Variants in SUMF1 observed in about 807,000 individuals in gnomAD.
SUMF1 encodes the protein sulfatase modifying factor 1.
Under a neutral mutation model 47.6 loss-of-function variants are expected in SUMF1, and 48 were observed. That is an observed-to-expected ratio of 1.01 (90% CI 0.80 to 1.28). The LOEUF (loss-of-function observed/expected upper bound fraction) is 1.28, where lower values mean the gene tolerates loss of function less well. SUMF1 is among the 50% of genes most tolerant of loss of function. SUMF1 has a pLI of 0.00. For synonymous variants in SUMF1, 230 were observed against 192.1 expected (o/e 1.20, Z -1.63); for missense variants, 571 against 485.4 (o/e 1.18, Z -1.66).
intron 8 of SUMF1, among the ~76,000 whole-genome samples, chr3:4,111,908 G>A (rs991699683): frequency 1.7e-4 from 26 of 152,086 alleles, no homozygotes; most frequent in African/African-American, 6.3e-4. Context: ...AGAAATTCTG[G>A]AGGAAATTTA....
At chr3:4,186,889 T>C (rs920030569) in intron 8 of SUMF1, among the ~76,000 whole-genome samples, 5 of 152,198 alleles carry the variant, frequency 3.3e-5, no homozygotes, top group African/African-American at 1.2e-4. Context: ...TAATTTTATC[T>C]GGTTCCAGTA....
intron 8 of SUMF1, among the ~76,000 whole-genome samples, chr3:4,292,771 G>C (rs954924928): frequency 6.6e-6 from 1 of 152,186 alleles, no homozygotes; most frequent in Non-Finnish European, 1.5e-5. Flanking sequence ...AATCTGAACT[G>C]CTTGTTTAAT....
At chr3:4,278,222 G>C (rs937305690) in intron 8 of SUMF1, among the ~76,000 whole-genome samples, 3 of 151,458 alleles carry the variant, frequency 2.0e-5, no homozygotes, top group Non-Finnish European at 4.4e-5. Context: ...AAAATATTAT[G>C]GCATGTTCTA....
At chr3:4,091,101 A>AC (rs1309008837) in intron 8 of SUMF1, among the ~76,000 whole-genome samples, 2 of 151,976 alleles carry the variant, frequency 1.3e-5, no homozygotes, top group African/African-American at 4.8e-5. Flanking sequence ...AACAACAAAA[A>AC]AAAAAACAAA....
intron 8 of SUMF1, among the ~76,000 whole-genome samples, chr3:4,207,786 G>A (rs573875112): frequency 1.3e-5 from 2 of 152,238 alleles, no homozygotes; most frequent in South Asian, 2.1e-4. Context: ...GACAGACAAG[G>A]AGATACAGAA....
chr3:4,230,694 T>A (rs1696279373), intron 8 of SUMF1, among the ~76,000 whole-genome samples: 2 of 151,998 alleles, frequency 1.3e-5, no homozygotes, highest in South Asian at 4.1e-4. Context: ...CCCTCTCTCT[T>A]CCCCAGTGGT....
intron 8 of SUMF1, among the ~76,000 whole-genome samples, chr3:4,223,849 C>T (rs1212084767): frequency 1.3e-5 from 2 of 152,118 alleles, no homozygotes; most frequent in Non-Finnish European, 2.9e-5. Flanking sequence ...CTAAAAATTG[C>T]TCATCTGCCA....
chr3:4,443,202 C>T (rs992830915), intron 3 of SUMF1, among the ~76,000 whole-genome samples: 2 of 152,140 alleles, frequency 1.3e-5, no homozygotes, highest in Non-Finnish European at 2.9e-5. Context: ...TGCTTGAGCC[C>T]AGTAGGTGGA....
At chr3:4,351,422 T>C (rs1559238080) in intron 8 of SUMF1, among the ~76,000 whole-genome samples, 1 of 152,200 alleles carries the variant, frequency 6.6e-6, no homozygotes, top group African/African-American at 2.4e-5. Flanking sequence ...AAGGAAGTCC[T>C]CTCATATACT....
At chr3:4,325,067 C>A (rs1305609313) in intron 8 of SUMF1, among the ~76,000 whole-genome samples, 1 of 152,078 alleles carries the variant, frequency 6.6e-6, no homozygotes, top group Non-Finnish European at 1.5e-5. Flanking sequence ...TCTCATGAAA[C>A]TTATTGACTA....
chr3:4,247,269 T>C (rs1355409051), intron 8 of SUMF1, among the ~76,000 whole-genome samples: 1 of 152,208 alleles, frequency 6.6e-6, no homozygotes, highest in African/African-American at 2.4e-5. Context: ...ATGTGTTCTA[T>C]AATATCCATT....
rs138110255 is a variant in SUMF1, at chr3:4,082,852, C to T, written c.1015-14107G>A. 6.4e-3 allele frequency among the ~76,000 whole-genome samples: 970 copies of T among 152,168 alleles called. 10 individuals carry two copies. The highest frequency in any genetic ancestry group is 0.022 in the African/African-American group (922 of 41,500). ...AGGAGGGTCTCTCAGGCAATCAAAACAGGCTAAGTTAAGTCAATCTATTTT... is the reference window on the plus strand; with the variant it reads ...AGGAGGGTCTCTCAGGCAATCAAAATAGGCTAAGTTAAGTCAATCTATTTT... On this transcript the variant is annotated intron_variant and NMD_transcript_variant, in intron 8 of 12. Transcript: ENST00000448413.
chr3:4,178,409 T>C (rs1695017345), intron 8 of SUMF1, among the ~76,000 whole-genome samples: 1 of 152,142 alleles, frequency 6.6e-6, no homozygotes, highest in African/African-American at 2.4e-5. Context: ...ATAAATGTAA[T>C]CCATCAATAA....
intron 3 of SUMF1, among the ~76,000 whole-genome samples, chr3:4,432,850 T>A (rs375972836): frequency 2.5e-4 from 38 of 152,286 alleles, no homozygotes; most frequent in African/African-American, 8.7e-4. Context: ...TAGCCCCTAG[T>A]ACATACTGGA....
rs560003466 is a variant in SUMF1, at chr3:4,410,858, T to C, written c.954+7A>G. On this transcript the variant is annotated splice_region_variant and intron_variant, in intron 7 of 8. Transcript: ENST00000272902. ...TCCAAGACACATGCTCTGTGAATAA[T>C]ACTCACTGGGTTAAGCGTTTCTTCA... 44 of 1,612,764 alleles carry C rather than the reference T, an allele frequency of 2.7e-5. 1 individual carries two copies. In the South Asian group the frequency reaches 4.5e-4, roughly 17 times the overall value.
chr3:4,372,305 A>G (rs1299591953), intron 8 of SUMF1, among the ~76,000 whole-genome samples: 1 of 152,242 alleles, frequency 6.6e-6, no homozygotes, highest in Non-Finnish European at 1.5e-5. Flanking sequence ...TGTCTCAAAA[A>G]AAAGAATTTA....
intron 8 of SUMF1, among the ~76,000 whole-genome samples, chr3:4,224,548 C>T (rs1448288335): frequency 1.3e-5 from 2 of 151,948 alleles, no homozygotes; most frequent in African/African-American, 2.4e-5. Context: ...AGGGATCCTA[C>T]TCAAAATAGT....
intron 8 of SUMF1, among the ~76,000 whole-genome samples, chr3:4,211,244 C>G (rs1695787618): frequency 8.9e-6 from 1 of 112,012 alleles, no homozygotes; most frequent in Non-Finnish European, 1.9e-5. Context: ...AGTTCTGTTT[C>G]TCTAGAGAAC....
intron 8 of SUMF1, among the ~76,000 whole-genome samples, chr3:4,251,221 G>C (rs1233820696): frequency 6.6e-6 from 1 of 152,196 alleles, no homozygotes; most frequent in South Asian, 2.1e-4. Flanking sequence ...CAAGACTTCA[G>C]TGGAGGAAGT....
Sources: allele counts gnomAD v4.1 joint callset (sites outside exome capture counted in the v4.1 genomes callset), GRCh38; gene constraint gnomAD v4.1.1; transcripts MANE v1.5; gene names NCBI Gene and HGNC (gene_info 2026-07-23, HGNC 2026-07-21).